MED21: variants seen among roughly 807,000 people sequenced by gnomAD.
MED21 encodes mediator of RNA polymerase II transcription subunit 21.
In MED21, 9 loss-of-function variants were observed where a neutral mutation model predicts 18.2. That is an observed-to-expected ratio of 0.49 (90% CI 0.30 to 0.86). The LOEUF is 0.86. Among genes scored for constraint, MED21 ranks in the 40% least tolerant of loss-of-function variants. The probability of loss-of-function intolerance (pLI) is 0.07; values close to 1 mark genes in which losing one functional copy is unlikely to be tolerated. For synonymous variants in MED21, 73 were observed against 60.5 expected, an observed-to-expected ratio of 1.21 and a Z score of -0.96; for missense variants, 150 against 170.9, an observed-to-expected ratio of 0.88 and a Z score of 0.68.
chr12:27,037,326 T>G (rs1341515677), intron 2 of MED21: 1 of 151,974 alleles, frequency 6.6e-6, no homozygotes, highest in African/African-American at 2.4e-5. Flanking sequence ...CTTATCAGCT[T>G]AAGGAGATTT....
intron 2 of MED21, among the ~76,000 whole-genome samples, chr12:27,027,101 G>T (rs1941556364): frequency 6.6e-6 from 1 of 151,906 alleles, no homozygotes; most frequent in Admixed American, 6.6e-5. Context: ...GCTAATTTTT[G>T]TATTTTTAGT....
At chr12:27,035,488 G>A (rs1475754997), downstream of MED21, among the ~76,000 whole-genome samples, 1 of 148,038 alleles carries the variant, frequency 6.8e-6, no homozygotes, top group African/African-American at 2.5e-5. Flanking sequence ...TGCACAATGT[G>A]CAGGTTAGTT....
downstream of MED21, among the ~76,000 whole-genome samples, chr12:27,031,291 C>T (rs1349336596): frequency 6.6e-6 from 1 of 152,134 alleles, no homozygotes; most frequent in East Asian, 1.9e-4. Context: ...AATGGTACCT[C>T]CTGCCGATGA....
At chr12:27,036,695 A>G (rs1941651978) in intron 2 of MED21, among the ~76,000 whole-genome samples, 1 of 152,200 alleles carries the variant, frequency 6.6e-6, no homozygotes, top group South Asian at 2.1e-4. Context: ...TTAAATAGGG[A>G]ATCCTTTCCC....
chr12:27,027,533 C>G (rs1359338190), intron 3 of MED21, 86 bp downstream of exon 3: 1 of 904,280 alleles, frequency 1.1e-6, no homozygotes, highest in Non-Finnish European at 1.7e-6. Context: ...TGTCTGTGTC[C>G]ATTTGTGCTG....
chr12:27,022,870 G>C, intron 1 of MED21: 1 of 1,418,534 alleles, frequency 7.0e-7, no homozygotes, highest in East Asian at 3.0e-5. Flanking sequence ...GTTCTTGTCC[G>C]GGTGAGGCCG....
downstream of MED21, among the ~76,000 whole-genome samples, chr12:27,032,237 A>G (rs1941624673): frequency 6.6e-6 from 1 of 152,208 alleles, no homozygotes; most frequent in Non-Finnish European, 1.5e-5. Flanking sequence ...ACAGGTGCCT[A>G]AGTTACTATC....
intron 3 of MED21, 68 bp from the exon 4 acceptor site, chr12:27,028,217 A>G: frequency 6.9e-7 from 1 of 1,446,774 alleles, no homozygotes. Flanking sequence ...CCAGATTTAA[A>G]AATAAGTACA....
chr12:27,025,906 T>A (rs1270163010), intron 1 of MED21, among the ~76,000 whole-genome samples: 1 of 152,206 alleles, frequency 6.6e-6, no homozygotes, highest in Non-Finnish European at 1.5e-5. Context: ...ACATTTCTGC[T>A]TACTTAAGGT....
chr12:27,023,009 A>G (rs1190458951), intron 1 of MED21: 8 of 723,398 alleles, frequency 1.1e-5, no homozygotes, highest in Non-Finnish European at 1.5e-5. Context: ...TTCTTTCCTC[A>G]TCAATTTTAA....
At chr12:27,038,603 T>C (rs1450259490) in intron 2 of MED21, 1 of 152,168 alleles carries the variant, frequency 6.6e-6, no homozygotes, top group African/African-American at 2.4e-5. Flanking sequence ...AAAACTTGCT[T>C]TAATAATTTG....
Position 27,030,260 on chromosome 12 carries a change from A to T in MED21, c.*1799A>T. On this transcript the variant is annotated 3_prime_UTR_variant, in exon 4 of 4. Transcript: ENST00000282892. ...TCCTCCCACTTCAGCCTCTTCAGTA[A>T]CTGGGACTACAGGCATGTACTACCA... 1.7e-6 allele frequency: 1 copy of T among 589,130 alleles called. No homozygotes were observed. 36.5% of individuals were successfully genotyped at this position (589,130 alleles called of 1,614,324 possible).
rs1294742302 is a variant in MED21, at chr12:27,027,545, T to C, written c.258+98T>C. On this transcript the variant is annotated intron_variant, in intron 3 of 3. Coordinates refer to ENST00000282892, the MANE Select transcript of MED21 (RefSeq NM_004264.5). ...TTTTGTCTGTGTCCATTTGTGCTGC[T>C]ATAACAACATACCTGAGACAGTAAT... 3 of 778,394 alleles carry C rather than the reference T, an allele frequency of 3.9e-6. No homozygotes were observed. In the African/African-American group the frequency reaches 5.2e-5, roughly 14 times the overall value. 48.2% of individuals were successfully genotyped at this position (778,394 alleles called of 1,614,324 possible).
chr12:27,024,197 T>C (rs536918646), intron 1 of MED21, among the ~76,000 whole-genome samples: 1 of 152,362 alleles, frequency 6.6e-6, no homozygotes, highest in Non-Finnish European at 1.5e-5. Flanking sequence ...TTGATAGTTA[T>C]GTTTCTCATT....
chr12:27,023,824 A>G (rs993818347), intron 1 of MED21, among the ~76,000 whole-genome samples: 3 of 152,128 alleles, frequency 2.0e-5, no homozygotes, highest in African/African-American at 7.2e-5. Flanking sequence ...TTTAATAAGT[A>G]GAAGTACAAT....
chr12:27,036,728 T>A (rs921225268), intron 2 of MED21, among the ~76,000 whole-genome samples: 9 of 152,236 alleles, frequency 5.9e-5, no homozygotes, highest in African/African-American at 1.9e-4. Context: ...TTCTCAGGTT[T>A]GTCAAAGATC....
chr12:27,030,970 C>G (rs751079858), downstream of MED21, among the ~76,000 whole-genome samples: 1 of 152,294 alleles, frequency 6.6e-6, no homozygotes, highest in Middle Eastern at 3.4e-3. Context: ...TGCAATGGCA[C>G]GATCTTGGCT....
At chr12:27,025,000 T>C (rs1253356228) in intron 1 of MED21, among the ~76,000 whole-genome samples, 1 of 152,256 alleles carries the variant, frequency 6.6e-6, no homozygotes, top group Admixed American at 6.5e-5. Flanking sequence ...GCAGAAGCTA[T>C]GTCGCATTCA....
At position 27,028,803 on chromosome 12, in the gene MED21, T is replaced by G; in HGVS notation, c.*342T>G. Reference sequence around the variant, plus strand: ...TTGTATTGGCCAGTACTTTTACAAATCAAAACATCTCTCAAGCCAAAGGAG... The same window carrying G: ...TTGTATTGGCCAGTACTTTTACAAAGCAAAACATCTCTCAAGCCAAAGGAG... On this transcript the variant is annotated 3_prime_UTR_variant, in exon 4 of 4. Transcript: ENST00000282892. 1.0e-6 allele frequency: 1 copy of G among 999,682 alleles called. No individual in the cohort carries two copies. 61.9% of individuals were successfully genotyped at this position (999,682 alleles called of 1,614,324 possible).
Sources: gnomAD v4.1 joint callset for allele counts (sites outside exome capture counted in the v4.1 genomes callset) on GRCh38, gnomAD v4.1.1 for gene constraint, MANE v1.5 for transcripts, NCBI Gene and HGNC (gene_info 2026-07-23, HGNC 2026-07-21) for gene names.